The following ARMC3 variants were observed in gnomAD, a reference collection of about 807,000 sequenced individuals.
The protein encoded by ARMC3 is armadillo repeat containing 3.
In ARMC3, 74 loss-of-function variants were observed where a neutral mutation model predicts 90.3. The observed-to-expected ratio is 0.82, with a 90% CI of 0.68 to 0.99. ARMC3 has a LOEUF of 0.99. Ranked by LOEUF, ARMC3 falls within the 50% of genes least tolerant of loss-of-function variation. The pLI is 0.00. For missense variants in ARMC3, 958 were observed against 1,042.8 expected (o/e 0.92, Z 1.12); for synonymous variants, 334 against 361.8 (o/e 0.92, Z 0.87).
intron 16 of ARMC3, among the ~76,000 whole-genome samples, chr10:23,022,616 C>CA (rs1160357904): frequency 6.6e-6 from 1 of 152,190 alleles, no homozygotes; most frequent in African/African-American, 2.4e-5. Flanking sequence ...GTGCCAATGA[C>CA]AAGGGGGTTG....
intron 10 of ARMC3, among the ~76,000 whole-genome samples, chr10:22,990,116 A>G (rs1836636190): frequency 6.6e-6 from 1 of 152,184 alleles, no homozygotes; most frequent in African/African-American, 2.4e-5. Flanking sequence ...TTTCAGGTTT[A>G]ATTTCCAACA....
At chr10:23,007,220 A>G (rs1014415881) in intron 14 of ARMC3, among the ~76,000 whole-genome samples, 1 of 152,192 alleles carries the variant, frequency 6.6e-6, no homozygotes, top group Non-Finnish European at 1.5e-5. Context: ...CTGCCAGTCA[A>G]TTTCAAGTGT....
chr10:22,940,399 A>G (rs189715748), intron 2 of ARMC3, among the ~76,000 whole-genome samples: 1 of 152,390 alleles, frequency 6.6e-6, no homozygotes, highest in African/African-American at 2.4e-5. Flanking sequence ...TAAGACCTAA[A>G]TAACTGAAGA....
At chr10:23,017,992 G>T (rs1838350079) in intron 16 of ARMC3, among the ~76,000 whole-genome samples, 1 of 152,198 alleles carries the variant, frequency 6.6e-6, no homozygotes, top group African/African-American at 2.4e-5. Flanking sequence ...CAGAAAGCAG[G>T]CTAATGTCAC....
At chr10:23,027,972 C>A (rs1838781370) in intron 16 of ARMC3, among the ~76,000 whole-genome samples, 1 of 152,054 alleles carries the variant, frequency 6.6e-6, no homozygotes, top group African/African-American at 2.4e-5. Context: ...GAGACCTTGT[C>A]TTTACAAAAA....
At chr10:22,960,064 G>GT in intron 6 of ARMC3, 1 of 305,322 alleles carries the variant, frequency 3.3e-6, no homozygotes, top group East Asian at 9.4e-5. Flanking sequence ...TCACTGTGCT[G>GT]TTTTCCTTTG....
Position 22,961,868 on chromosome 10 carries a change from C to G in ARMC3, c.538-16C>G, listed in dbSNP as rs1192598103. On this transcript the variant is annotated splice_polypyrimidine_tract_variant and intron_variant, in intron 6 of 18. Coordinates refer to ENST00000298032, the MANE Select transcript of ARMC3 (RefSeq NM_173081.5). ...TTTGCTTAAAAAAATTATTGATCAT[C>G]TGTATTTTGTGGCAGGATTTTCAGT... 1.3e-6 allele frequency: 2 copies of G among 1,571,430 alleles called. No individual in the cohort carries two copies. The highest frequency in any genetic ancestry group is 1.7e-6 in the Non-Finnish European group (2 of 1,162,878).
intron 16 of ARMC3, among the ~76,000 whole-genome samples, chr10:23,027,147 T>C (rs1254563323): frequency 6.6e-6 from 1 of 152,196 alleles, no homozygotes; most frequent in Non-Finnish European, 1.5e-5. Context: ...TTTTCTATTA[T>C]ATGTCTAGAA....
At chr10:22,935,775 A>C (rs1834084413) in intron 2 of ARMC3, among the ~76,000 whole-genome samples, 1 of 152,206 alleles carries the variant, frequency 6.6e-6, no homozygotes, top group Non-Finnish European at 1.5e-5. Context: ...TACTTTGATC[A>C]GGTTATAAAG....
At chr10:23,022,679 C>T (rs1242985756) in intron 16 of ARMC3, among the ~76,000 whole-genome samples, 1 of 152,178 alleles carries the variant, frequency 6.6e-6, no homozygotes, top group African/African-American at 2.4e-5. Flanking sequence ...CCTCTTCTGA[C>T]AGCCAGAGAC....
rs1835108011 is a variant in ARMC3, at chr10:22,959,649, A to G, written c.537+75A>G. ...TATTTTCCCATTAAAAATAGAAAAAAGCTTTTAAAAATGCACCAGTTTTGC... is the reference window on the plus strand; with the variant it reads ...TATTTTCCCATTAAAAATAGAAAAAGGCTTTTAAAAATGCACCAGTTTTGC... On this transcript the variant is annotated intron_variant, in intron 6 of 18. Coordinates refer to ENST00000298032, the MANE Select transcript of ARMC3 (RefSeq NM_173081.5). The G allele has an allele frequency of 2.1e-6, 3 of 1,433,226 alleles. No individual in the cohort carries two copies. In the South Asian group the frequency reaches 4.5e-5, roughly 21 times the overall value. The allele number at this position is 1,433,226 out of a possible 1,614,324, so 88.8% of individuals were successfully genotyped here.
chr10:23,007,644 C>G (rs1440516993), intron 14 of ARMC3, among the ~76,000 whole-genome samples: 2 of 145,400 alleles, frequency 1.4e-5, no homozygotes, highest in Non-Finnish European at 3.0e-5. Flanking sequence ...TTGCAGTGAG[C>G]TGAGATTGCA....
intron 13 of ARMC3, among the ~76,000 whole-genome samples, chr10:23,006,023 T>C (rs1329862252): frequency 6.6e-6 from 1 of 152,160 alleles, no homozygotes; most frequent in Non-Finnish European, 1.5e-5. Context: ...AGGGTGATCA[T>C]TTCCAAGCCA....
At chr10:23,023,536 AT>A (rs1328812629) in intron 16 of ARMC3, among the ~76,000 whole-genome samples, 1 of 152,240 alleles carries the variant, frequency 6.6e-6, no homozygotes, top group East Asian at 1.9e-4. Flanking sequence ...AGTTGTTGGA[AT>A]TATCTGACCT....
intron 3 of ARMC3, among the ~76,000 whole-genome samples, chr10:22,953,898 G>A (rs1270769716): frequency 2.0e-5 from 3 of 152,078 alleles, no homozygotes; most frequent in Admixed American, 6.5e-5. Context: ...AGTTTGCCTG[G>A]GTCATATGGT....
chr10:22,937,016 A>G (rs948861345), intron 2 of ARMC3, among the ~76,000 whole-genome samples: 3 of 151,556 alleles, frequency 2.0e-5, no homozygotes, highest in Non-Finnish European at 4.4e-5. Context: ...GATCCTCCCT[A>G]CTCAGCCTCT....
At chr10:22,994,224 T>C (rs1001241095) in intron 10 of ARMC3, among the ~76,000 whole-genome samples, 8 of 152,126 alleles carry the variant, frequency 5.3e-5, no homozygotes, top group Admixed American at 3.9e-4. Context: ...GGGAAGAGGA[T>C]GTCAGGAAAT....
intron 16 of ARMC3, among the ~76,000 whole-genome samples, chr10:23,010,927 C>A (rs1564394649): frequency 1.6e-5 from 1 of 63,922 alleles, no homozygotes; most frequent in Non-Finnish European, 3.8e-5. Flanking sequence ...TCCCTTCCCT[C>A]CCCCTTCCTT....
chr10:22,985,347 A>G (rs921010096), intron 10 of ARMC3, among the ~76,000 whole-genome samples: 1 of 152,120 alleles, frequency 6.6e-6, no homozygotes, highest in Admixed American at 6.5e-5. Context: ...CACTGGGTAT[A>G]AATTCAGGGG....
Sources: gnomAD v4.1 joint callset for allele counts (sites outside exome capture counted in the v4.1 genomes callset) on GRCh38, gnomAD v4.1.1 for gene constraint, MANE v1.5 for transcripts, NCBI Gene and HGNC (gene_info 2026-07-23, HGNC 2026-07-21) for gene names.